Variants in PCDH15 observed in about 807,000 individuals in gnomAD.
PCDH15 encodes protocadherin related 15, also known as protocadherin-15.
Under a neutral mutation model 178.5 loss-of-function variants are expected in PCDH15, and 129 were observed. The observed-to-expected ratio is 0.72, with a 90% CI of 0.63 to 0.84. The LOEUF (loss-of-function observed/expected upper bound fraction) is 0.84. Ranked by LOEUF, PCDH15 falls within the 40% of genes least tolerant of loss-of-function variation. The pLI is 0.00. For synonymous variants in PCDH15, 800 were observed against 732.0 expected, an observed-to-expected ratio of 1.09 and a Z score of -1.50; for missense variants, 2,230 against 2,099.9, an observed-to-expected ratio of 1.06 and a Z score of -1.21.
Position 54,183,572 on chromosome 10 carries a change from G to T in PCDH15, c.1462C>A (p.Gln488Lys). 1.2e-6 allele frequency: 2 copies of T among 1,613,916 alleles called. No individual in the cohort carries two copies. Among genetic ancestry groups the T allele is most frequent in the Non-Finnish European group, 1.7e-6 (2 of 1,179,956 alleles). The change falls in exon 13 of 38, where the codon CAA becomes AAA. Residue 488 changes from glutamine (Q) to lysine (K), a missense_variant. Transcript: ENST00000644397. ...TFSITAFDGV[Q>K]ESEPVIVNIQ... is the part of the protein sequence containing the mutation. Reference sequence around the variant, plus strand: ...TTGACGATGACTGGCTCACTTTCTTGTACACCATCAAATGCTGTTATCTTT... The same window carrying T: ...TTGACGATGACTGGCTCACTTTCTTTTACACCATCAAATGCTGTTATCTTT...
intron 2 of PCDH15, among the ~76,000 whole-genome samples, chr10:54,621,758 T>G (rs2093354244): frequency 6.6e-6 from 1 of 151,884 alleles, no homozygotes; most frequent in Non-Finnish European, 1.5e-5. Flanking sequence ...TCACTGGTGA[T>G]TAAACAGAGT....
chr10:55,018,215 C>G (rs1022842860), intron 2 of PCDH15, among the ~76,000 whole-genome samples: 1 of 151,806 alleles, frequency 6.6e-6, no homozygotes, highest in Non-Finnish European at 1.5e-5. Context: ...AAAATTAATG[C>G]GAAAAAGTTG....
chr10:54,385,546 C>T (rs1471472989), intron 3 of PCDH15, among the ~76,000 whole-genome samples: 9 of 151,962 alleles, frequency 5.9e-5, no homozygotes, highest in Non-Finnish European at 1.2e-4. Context: ...CGTAGAAAAA[C>T]AAATAAGCTT....
chr10:54,487,138 T>TCCTTTTAAAA (rs2079169751), intron 3 of PCDH15, among the ~76,000 whole-genome samples: 1 of 152,026 alleles, frequency 6.6e-6, no homozygotes, highest in South Asian at 2.1e-4. Flanking sequence ...AAAGGATATA[T>TCCTTTTAAAA]GCATAATGGA....
In PCDH15 at chr10:53,803,975, A is replaced by T. The variant is rs1841015512; in HGVS notation, c.*2604T>A. On this transcript the variant is annotated 3_prime_UTR_variant, in exon 38 of 38. Coordinates refer to ENST00000644397, the MANE Select transcript of PCDH15 (RefSeq NM_001384140.1). Reference sequence around the variant, plus strand: ...ATATGAAGTATTCTTAAGATTAAACATACCTGGGTATTTCCTCTGGGTTCC... The same window carrying T: ...ATATGAAGTATTCTTAAGATTAAACTTACCTGGGTATTTCCTCTGGGTTCC... 1 of 151,982 alleles carries T rather than the reference A, an allele frequency of 6.6e-6. No individual in the cohort carries two copies. The allele number at this position is 151,982 out of a possible 1,614,324, so 9.4% of individuals were successfully genotyped here. A position where few individuals can be genotyped will look rare whatever the true frequency, so the allele number is the denominator to read the frequency against.
At chr10:54,726,854 G>T in intron 1 of PCDH15, among the ~76,000 whole-genome samples, 1 of 144,024 alleles carries the variant, frequency 6.9e-6, no homozygotes, top group East Asian at 2.0e-4. Context: ...TTAAAAAGAA[G>T]AAAAAAAAAA....
chr10:54,868,693 C>A (rs1953982296), intron 3 of PCDH15, among the ~76,000 whole-genome samples: 1 of 152,142 alleles, frequency 6.6e-6, no homozygotes, highest in African/African-American at 2.4e-5. Flanking sequence ...CAAAACTGTT[C>A]TTTATATTTT....
chr10:54,965,002 A>G (rs1838746445), intron 2 of PCDH15, among the ~76,000 whole-genome samples: 1 of 152,206 alleles, frequency 6.6e-6, no homozygotes. Context: ...ACCATTTTAA[A>G]TATATTTGAT....
intron 2 of PCDH15, among the ~76,000 whole-genome samples, chr10:54,906,974 A>C (rs1954734834): frequency 1.3e-5 from 2 of 152,134 alleles, no homozygotes; most frequent in African/African-American, 4.8e-5. Context: ...GTATCCAGTA[A>C]AAGTGAGTTT....
rs114939672 is a variant in PCDH15 at position 54,878,916 on chromosome 10, G to A, written c.-29+18534C>T. Reference sequence around the variant, plus strand: ...AGCTCTCACTTATATGTGAGATCATGCAGTGTTTGGTTGAAATTATTTATT... The same window carrying A: ...AGCTCTCACTTATATGTGAGATCATACAGTGTTTGGTTGAAATTATTTATT... On this transcript the variant is annotated intron_variant, in intron 3 of 5. Coordinates refer to the PCDH15 transcript ENST00000458638. Among the ~76,000 whole-genome samples, 1,339 of 152,204 alleles carry A rather than the reference G, an allele frequency of 8.8e-3. 15 individuals carry two copies. Among genetic ancestry groups the A allele is most frequent in the African/African-American group, 0.03 (1,248 of 41,534 alleles).
At chr10:54,129,112 T>A (rs921597448) in intron 15 of PCDH15, among the ~76,000 whole-genome samples, 1 of 152,182 alleles carries the variant, frequency 6.6e-6, no homozygotes, top group Non-Finnish European at 1.5e-5. Context: ...ATTTTCCCGA[T>A]AATAATGATA....
chr10:54,234,130 TTC>T lies in PCDH15; in HGVS notation c.985+2691_985+2692del, dbSNP rs1166385780. ...TGAAGTCAGAGTCATGGATATCCCC[TTC>T]TGTGTGTGTGTGTGTGTGTGTGTGT... On this transcript the variant is annotated intron_variant, in intron 9 of 37. Coordinates refer to ENST00000644397, the MANE Select transcript of PCDH15 (RefSeq NM_001384140.1). 5.4e-3 allele frequency among the ~76,000 whole-genome samples: 562 copies of T among 103,194 alleles called. 3 individuals carry two copies. Among genetic ancestry groups the T allele is most frequent in the African/African-American group, 0.021 (524 of 24,990 alleles). The allele number at this position is 103,194 out of a possible 152,430, so 67.7% of individuals were successfully genotyped here. A position where few individuals can be genotyped will look rare whatever the true frequency, so the allele number is the denominator to read the frequency against.
intron 3 of PCDH15, among the ~76,000 whole-genome samples, chr10:54,496,364 C>T (rs779792837): frequency 2.0e-5 from 3 of 151,970 alleles, no homozygotes; most frequent in Non-Finnish European, 2.9e-5. Context: ...CTGCTTCCAC[C>T]TTCCTCATAA....
intron 3 of PCDH15, among the ~76,000 whole-genome samples, chr10:54,521,389 G>C (rs1374627818): frequency 1.3e-5 from 2 of 151,976 alleles, no homozygotes; most frequent in African/African-American, 4.8e-5. Flanking sequence ...CACAAATAAT[G>C]CTCACTCCTT....
chr10:55,211,293 A>G (rs1410174820), intron 1 of PCDH15, among the ~76,000 whole-genome samples: 5 of 152,146 alleles, frequency 3.3e-5, no homozygotes, highest in African/African-American at 1.2e-4. Flanking sequence ...ACCAATACAG[A>G]AATGGAATTT....
intron 26 of PCDH15, among the ~76,000 whole-genome samples, chr10:53,871,865 T>A (rs1388379378): frequency 6.6e-6 from 1 of 152,108 alleles, no homozygotes; most frequent in African/African-American, 2.4e-5. Flanking sequence ...GCAATTCTCC[T>A]GCCTTAGCCT....
intron 11 of PCDH15, 54 bp from the exon 12 acceptor site, chr10:54,185,322 G>A: frequency 6.3e-7 from 1 of 1,592,272 alleles, no homozygotes; most frequent in Non-Finnish European, 8.6e-7. Flanking sequence ...GTAGCTATTA[G>A]TTCATTACCT....
rs193129406 is a variant in PCDH15, at chr10:54,673,605, A to C, written c.-28-9315T>G. Among the ~76,000 whole-genome samples, 294 of 151,974 alleles carry C rather than the reference A, an allele frequency of 1.9e-3. 1 individual carries two copies. Among genetic ancestry groups the C allele is most frequent in the Admixed American group, 5.0e-3 (76 of 15,254 alleles). On this transcript the variant is annotated intron_variant, in intron 1 of 37. Transcript: ENST00000644397. ...AGGCATGTGCCACCACGCACGGCTA[A>C]TTTTGTATTTTTAATAGAGACAGGG... is the stretch of plus-strand genomic sequence containing the variant.
chr10:54,664,375 C>T lies in PCDH15; in HGVS notation c.-28-85G>A. 6 of 849,802 alleles carry T rather than the reference C, an allele frequency of 7.1e-6. No homozygotes were observed. In the South Asian group the frequency reaches 7.2e-5, roughly 10 times the overall value. 52.6% of individuals were successfully genotyped at this position (849,802 alleles called of 1,614,324 possible). A position where few individuals can be genotyped will look rare whatever the true frequency, so the allele number is the denominator to read the frequency against. ...ACACAATTGTCACAGCACAGAAAAG[C>T]CTTAATGACTTCATAGTTAATTACC... On this transcript the variant is annotated intron_variant, in intron 1 of 37. Coordinates refer to ENST00000644397, the MANE Select transcript of PCDH15 (RefSeq NM_001384140.1).
Sources: allele counts gnomAD v4.1 joint callset (sites outside exome capture counted in the v4.1 genomes callset), GRCh38; gene constraint gnomAD v4.1.1; transcripts MANE v1.5; gene names NCBI Gene and HGNC (gene_info 2026-07-23, HGNC 2026-07-21).